NKAIN3: variants seen among roughly 807,000 people sequenced by gnomAD.
The protein encoded by NKAIN3 is sodium/potassium-transporting ATPase subunit beta-1-interacting protein 3.
Under a neutral mutation model 30.2 loss-of-function variants are expected in NKAIN3, and 25 were observed. The ratio of observed to expected loss-of-function variants is 0.83; its 90% CI spans 0.60 to 1.16. The LOEUF is 1.16. NKAIN3 is among the 50% of genes most tolerant of loss of function. The pLI is 0.00. For synonymous variants in NKAIN3, 91 were observed against 89.6 expected (o/e 1.02, Z -0.09); for missense variants, 225 against 254.1 (o/e 0.89, Z 0.78).
intron 3 of NKAIN3, among the ~76,000 whole-genome samples, chr8:62,726,497 A>G (rs1815263012): frequency 6.6e-6 from 1 of 152,074 alleles, no homozygotes; most frequent in Non-Finnish European, 1.5e-5. Flanking sequence ...GAGGATTCTT[A>G]TCATGGAAGG....
intron 3 of NKAIN3, among the ~76,000 whole-genome samples, chr8:62,595,839 G>A (rs975088218): frequency 2.0e-5 from 3 of 152,000 alleles, no homozygotes; most frequent in Admixed American, 6.6e-5. Flanking sequence ...GGGCTAGCAG[G>A]CCTGTCCAGG....
chr8:62,413,762 GTCTTTATA>G (rs1379707876), intron 1 of NKAIN3, among the ~76,000 whole-genome samples: 1 of 152,024 alleles, frequency 6.6e-6, no homozygotes, highest in East Asian at 1.9e-4. Context: ...ATATAGGAAT[GTCTTTATA>G]TTACTTTAGC....
intron 1 of NKAIN3, among the ~76,000 whole-genome samples, chr8:62,481,410 T>C (rs1413519377): frequency 6.6e-6 from 1 of 152,122 alleles, no homozygotes; most frequent in African/African-American, 2.4e-5. Flanking sequence ...CCCTCTCATA[T>C]GGACATAGAT....
chr8:62,281,213 G>A lies in NKAIN3; in HGVS notation c.54+32086G>A, dbSNP rs532564863. Among the ~76,000 whole-genome samples, 13 of 152,058 alleles carry A rather than the reference G, an allele frequency of 8.5e-5. No homozygotes were observed. The East Asian group carries it at 1.7e-3, about 20-fold the overall frequency. ...GTTTTTGTAGTTCTGTGGGATTGAT[G>A]GTAATATCCCCCTCTATCATTTTTT... is the stretch of plus-strand genomic sequence containing the variant. On this transcript the variant is annotated intron_variant, in intron 1 of 6. Coordinates refer to ENST00000623646, the MANE Select transcript of NKAIN3 (RefSeq NM_001304533.3).
intron 5 of NKAIN3, among the ~76,000 whole-genome samples, chr8:62,922,787 T>A (rs2130862554): frequency 6.6e-6 from 1 of 152,112 alleles, no homozygotes; most frequent in East Asian, 1.9e-4. Flanking sequence ...TGCATGTAAC[T>A]GTCCTAAAGG....
At chr8:62,461,585 A>G (rs567326045) in intron 1 of NKAIN3, among the ~76,000 whole-genome samples, 1 of 152,356 alleles carries the variant, frequency 6.6e-6, no homozygotes, top group East Asian at 1.9e-4. Context: ...GAAGAACTAA[A>G]GTGTAAGAAT....
chr8:62,561,104 A>T (rs1809561972), intron 1 of NKAIN3, among the ~76,000 whole-genome samples: 1 of 152,098 alleles, frequency 6.6e-6, no homozygotes. Context: ...GGCTAAAGAG[A>T]GAAGGATATG....
At chr8:62,434,505 A>G (rs1052052786) in intron 1 of NKAIN3, among the ~76,000 whole-genome samples, 2 of 152,160 alleles carry the variant, frequency 1.3e-5, no homozygotes, top group African/African-American at 4.8e-5. Context: ...TTATCTTAAG[A>G]TAAATCAGGG....
intron 1 of NKAIN3, among the ~76,000 whole-genome samples, chr8:62,356,026 A>C (rs1816343490): frequency 6.6e-6 from 1 of 152,208 alleles, no homozygotes; most frequent in Admixed American, 6.5e-5. Flanking sequence ...GGCAGGTATA[A>C]GGGCATAACC....
At chr8:62,697,747 A>G (rs1019428695) in intron 3 of NKAIN3, among the ~76,000 whole-genome samples, 4 of 152,182 alleles carry the variant, frequency 2.6e-5, no homozygotes, top group South Asian at 2.1e-4. Flanking sequence ...ATGAACTAAT[A>G]CTCATTAACT....
At chr8:62,313,000 T>C (rs1814498133) in intron 1 of NKAIN3, among the ~76,000 whole-genome samples, 1 of 152,042 alleles carries the variant, frequency 6.6e-6, no homozygotes, top group South Asian at 2.1e-4. Flanking sequence ...GAGAGAATAG[T>C]TGACAGTTGG....
intron 1 of NKAIN3, among the ~76,000 whole-genome samples, chr8:62,383,894 T>G (rs948707636): frequency 3.3e-5 from 5 of 149,394 alleles, no homozygotes; most frequent in African/African-American, 9.9e-5. Context: ...TTTTTTTTTT[T>G]CCACAGTAGA....
chr8:62,347,458 A>G (rs1214828540), intron 1 of NKAIN3, among the ~76,000 whole-genome samples: 1 of 152,176 alleles, frequency 6.6e-6, no homozygotes, highest in Non-Finnish European at 1.5e-5. Flanking sequence ...AGATTATCTA[A>G]GAATTGATAG....
chr8:62,646,227 T>C (rs973677949), intron 3 of NKAIN3, among the ~76,000 whole-genome samples: 6 of 150,734 alleles, frequency 4.0e-5, no homozygotes, highest in Non-Finnish European at 8.8e-5. Context: ...TATCCTCCCA[T>C]CCCCCATACC....
In NKAIN3 at chr8:62,419,585, T is replaced by C. The variant is rs143247899; in HGVS notation, c.55-159954T>C. Among the ~76,000 whole-genome samples the C allele has an allele frequency of 1.8e-4, 28 of 152,256 alleles. No individual in the cohort carries two copies. In the East Asian group the frequency reaches 5.2e-3, roughly 28 times the overall value. Reference sequence around the variant, plus strand: ...TGCTGCTAATAGGTTGTACATTCAGTAGTGACAAATAGATAAATCTTGTAG... The same window carrying C: ...TGCTGCTAATAGGTTGTACATTCAGCAGTGACAAATAGATAAATCTTGTAG... On this transcript the variant is annotated intron_variant, in intron 1 of 6. Transcript: ENST00000623646.
At chr8:62,535,011 G>A (rs1808611787) in intron 1 of NKAIN3, among the ~76,000 whole-genome samples, 1 of 152,106 alleles carries the variant, frequency 6.6e-6, no homozygotes, top group Non-Finnish European at 1.5e-5. Context: ...ATTGATTTGT[G>A]TGCATGCTTT....
At chr8:62,754,737 A>G (rs1362744385) in intron 4 of NKAIN3, among the ~76,000 whole-genome samples, 3 of 152,192 alleles carry the variant, frequency 2.0e-5, no homozygotes, top group Non-Finnish European at 4.4e-5. Context: ...ATAAATTAAA[A>G]CTTAATAGAG....
intron 1 of NKAIN3, among the ~76,000 whole-genome samples, chr8:62,412,339 G>T (rs1804265603): frequency 6.6e-6 from 1 of 150,862 alleles, no homozygotes; most frequent in Non-Finnish European, 1.5e-5. Flanking sequence ...GTGGGGAAAG[G>T]TCTTCCTATT....
chr8:62,936,018 T>C (rs59149593), intron 5 of NKAIN3, among the ~76,000 whole-genome samples: 1,908 of 152,320 alleles, frequency 0.013, 54 homozygotes, highest in African/African-American at 0.044. Context: ...GAATACACCA[T>C]TGTTAAAGTC....
Sources: gnomAD v4.1 joint callset for allele counts (sites outside exome capture counted in the v4.1 genomes callset) on GRCh38, gnomAD v4.1.1 for gene constraint, MANE v1.5 for transcripts, NCBI Gene and HGNC (gene_info 2026-07-23, HGNC 2026-07-21) for gene names.